Variants in MALRD1 observed in about 807,000 individuals in gnomAD.
MALRD1 encodes the protein MAM and LDL-receptor class A domain-containing protein 1.
In MALRD1, 247 loss-of-function variants were observed where a neutral mutation model predicts 242.1. That is an observed-to-expected ratio of 1.02 (90% CI 0.92 to 1.13). The LOEUF (loss-of-function observed/expected upper bound fraction) is 1.13. MALRD1 is among the 50% of genes most tolerant of loss of function. The pLI, the probability that MALRD1 is intolerant of heterozygous loss-of-function variation, is 0.00. For missense variants in MALRD1, 2,989 were observed against 2,533.1 expected (o/e 1.18, Z -3.86); for synonymous variants, 995 against 866.6 (o/e 1.15, Z -2.60).
At chr10:19,307,589 A>T (rs75710796) in intron 21 of MALRD1, among the ~76,000 whole-genome samples, 2,054 of 151,614 alleles carry the variant, frequency 0.014, 40 homozygotes, top group African/African-American at 0.047. Flanking sequence ...ACTGAGGCAC[A>T]TTTTTACTTG....
At chr10:19,320,041 C>CTTTTTTTTTTTTTTTTTT (rs34481531) in intron 21 of MALRD1, among the ~76,000 whole-genome samples, 1 of 73,070 alleles carries the variant, frequency 1.4e-5, no homozygotes. Context: ...TATAAAACTG[C>CTTTTTTTTTTTTTTTTTT]TTTTTTTTTT....
At chr10:19,268,729 A>G (rs1032356847) in intron 19 of MALRD1, among the ~76,000 whole-genome samples, 4 of 152,186 alleles carry the variant, frequency 2.6e-5, no homozygotes, top group Non-Finnish European at 4.4e-5. Flanking sequence ...TTGCTTAATT[A>G]TCAATGTGGG....
At chr10:19,389,350 G>A in intron 27 of MALRD1, 102 bp from the exon 28 acceptor site, 1 of 1,251,432 alleles carries the variant, frequency 8.0e-7, no homozygotes, top group Non-Finnish European at 1.1e-6. Context: ...TGGCAGCTCA[G>A]ATCATACGAA....
chr10:19,442,187 C>T lies in MALRD1; in HGVS notation c.4846-8120C>T, dbSNP rs1017240999. 3.3e-5 allele frequency among the ~76,000 whole-genome samples: 5 copies of T among 151,992 alleles called. No homozygotes were observed. In the East Asian group the frequency reaches 5.8e-4, roughly 18 times the overall value. ...GTGATTTTTGCACATTGATTTTGTA[C>T]CCTGAGATTTTGCTGAAGTTGCTTA... On this transcript the variant is annotated intron_variant, in intron 28 of 39. Coordinates refer to ENST00000454679, the MANE Select transcript of MALRD1 (RefSeq NM_001142308.3).
At chr10:19,718,085 TAGAAGAAGA>T (rs202192875) in intron 38 of MALRD1, among the ~76,000 whole-genome samples, 1 of 105,676 alleles carries the variant, frequency 9.5e-6, no homozygotes, top group African/African-American at 3.9e-5. Context: ...GAGGAATAAG[TAGAAGAAGA>T]AGAAGAGGAA....
At chr10:19,648,028 C>T (rs1308278796) in intron 36 of MALRD1, among the ~76,000 whole-genome samples, 5 of 151,974 alleles carry the variant, frequency 3.3e-5, no homozygotes, top group African/African-American at 9.7e-5. Context: ...GAAGCTGGAG[C>T]TACTGGAATT....
intron 34 of MALRD1, among the ~76,000 whole-genome samples, chr10:19,606,745 G>A (rs1235439450): frequency 2.6e-5 from 4 of 151,976 alleles, no homozygotes; most frequent in East Asian, 1.9e-4. Context: ...CTGCAACCCC[G>A]GCTTCTTGGC....
intron 24 of MALRD1, among the ~76,000 whole-genome samples, chr10:19,343,517 C>G (rs1036426066): frequency 2.0e-5 from 3 of 152,092 alleles, no homozygotes; most frequent in Admixed American, 6.6e-5. Flanking sequence ...CATCCCTAAC[C>G]TCAGGAAGCC....
At chr10:19,303,729 T>C (rs1178321105) in intron 21 of MALRD1, among the ~76,000 whole-genome samples, 1 of 151,748 alleles carries the variant, frequency 6.6e-6, no homozygotes, top group Admixed American at 6.6e-5. Context: ...AAAGTTGAGA[T>C]ATTTATGTCT....
intron 29 of MALRD1, among the ~76,000 whole-genome samples, chr10:19,486,621 A>G (rs892264283): frequency 6.6e-6 from 1 of 152,198 alleles, no homozygotes; most frequent in East Asian, 1.9e-4. Context: ...TGGTTACATG[A>G]AAAACAAAGG....
intron 11 of MALRD1, among the ~76,000 whole-genome samples, chr10:19,151,433 T>C (rs1833939213): frequency 1.3e-5 from 2 of 152,142 alleles, no homozygotes; most frequent in Admixed American, 1.3e-4. Flanking sequence ...CTTATACATA[T>C]ATATTTTATT....
chr10:19,488,499 A>G (rs1837329283), intron 29 of MALRD1: 2 of 153,322 alleles, frequency 1.3e-5, no homozygotes, highest in Non-Finnish European at 2.9e-5. Flanking sequence ...AGGCAAGACA[A>G]AAGTAGAGAG....
intron 29 of MALRD1, among the ~76,000 whole-genome samples, chr10:19,480,723 AGACC>A (rs1029650097): frequency 1.3e-5 from 2 of 152,192 alleles, no homozygotes; most frequent in African/African-American, 4.8e-5. Flanking sequence ...TTGTTGCATG[AGACC>A]ATAGTGGTCC....
At chr10:19,613,140 A>G (rs1040052536) in intron 35 of MALRD1, among the ~76,000 whole-genome samples, 3 of 152,016 alleles carry the variant, frequency 2.0e-5, no homozygotes, top group Non-Finnish European at 4.4e-5. Context: ...CAAGGAGCAT[A>G]TCTATGTACC....
intron 36 of MALRD1, among the ~76,000 whole-genome samples, chr10:19,669,738 A>C (rs906353835): frequency 1.3e-5 from 2 of 152,222 alleles, no homozygotes; most frequent in Non-Finnish European, 2.9e-5. Context: ...ATTGGCTCAG[A>C]AGTAAACCAT....
intron 19 of MALRD1, among the ~76,000 whole-genome samples, chr10:19,260,541 T>C (rs1839700307): frequency 6.6e-6 from 1 of 152,182 alleles, no homozygotes; most frequent in South Asian, 2.1e-4. Context: ...AGAGAAGTAT[T>C]TTCCACCTAC....
chr10:19,342,815 T>A (rs1267985379), intron 24 of MALRD1, among the ~76,000 whole-genome samples: 1 of 152,048 alleles, frequency 6.6e-6, no homozygotes, highest in East Asian at 1.9e-4. Context: ...CTTTCCAAAA[T>A]TACCAGCAGT....
At chr10:19,083,478 A>G (rs898811089) in intron 2 of MALRD1, among the ~76,000 whole-genome samples, 9 of 151,972 alleles carry the variant, frequency 5.9e-5, no homozygotes, top group Admixed American at 2.6e-4. Flanking sequence ...ACTAACTGTT[A>G]CACACTGCCT....
chr10:19,221,225 C>A (rs1837542588), intron 18 of MALRD1, among the ~76,000 whole-genome samples: 1 of 151,890 alleles, frequency 6.6e-6, no homozygotes, highest in Admixed American at 6.6e-5. Context: ...TAAAATGTTT[C>A]TGAAGTTATG....
Sources: allele counts gnomAD v4.1 joint callset (sites outside exome capture counted in the v4.1 genomes callset), GRCh38; gene constraint gnomAD v4.1.1; transcripts MANE v1.5; gene names NCBI Gene and HGNC (gene_info 2026-07-23, HGNC 2026-07-21).